GSTO2: variants seen among roughly 807,000 people sequenced by gnomAD.
GSTO2 encodes the protein glutathione S-transferase omega-2.
A neutral mutation model predicts 28.4 loss-of-function variants in GSTO2; 23 were observed. The observed-to-expected ratio is 0.81, with a 90% confidence interval of 0.58 to 1.15. The LOEUF is 1.15. GSTO2 is among the 50% of genes most tolerant of loss of function. The pLI is 0.00. For missense variants in GSTO2, 298 were observed against 297.8 expected, an observed-to-expected ratio of 1.00 and a Z score of 0.00; for synonymous variants, 109 against 111.0, an observed-to-expected ratio of 0.98 and a Z score of 0.11.
At chr10:104,276,392 C>T (rs1024134508) in intron 3 of GSTO2, among the ~76,000 whole-genome samples, 2 of 152,122 alleles carry the variant, frequency 1.3e-5, no homozygotes, top group Admixed American at 6.5e-5. Flanking sequence ...CTTAGGTCAG[C>T]GTTTCTCAAA....
At chr10:104,282,545 C>T (rs1190447336) in intron 5 of GSTO2, among the ~76,000 whole-genome samples, 1 of 145,168 alleles carries the variant, frequency 6.9e-6, no homozygotes, top group African/African-American at 2.7e-5. Flanking sequence ...CACAGTGAAA[C>T]CCTATCTCAA....
intron 1 of GSTO2, among the ~76,000 whole-genome samples, 159 bp from the exon 2 acceptor site, chr10:104,274,526 C>T (rs1338824989): frequency 6.6e-6 from 1 of 152,152 alleles, no homozygotes; most frequent in African/African-American, 2.4e-5. Flanking sequence ...TTACCCTAGT[C>T]AGTTTTGATT....
At chr10:104,277,079 A>G (rs957132273) in intron 3 of GSTO2, among the ~76,000 whole-genome samples, 4 of 152,248 alleles carry the variant, frequency 2.6e-5, no homozygotes, top group African/African-American at 7.2e-5. Context: ...CACTGAGCAC[A>G]GAGAGGTTAG....
rs549164542 is a variant in GSTO2 at position 104,299,658 on chromosome 10, T to C, written c.*374T>C. ...GCCCAGCTAATTTTTAAAAAAATGTTGTTGAGACAGGGTCTCACTATGTTG... is the reference window on the plus strand; with the variant it reads ...GCCCAGCTAATTTTTAAAAAAATGTCGTTGAGACAGGGTCTCACTATGTTG... On this transcript the variant is annotated 3_prime_UTR_variant, in exon 7 of 7. Transcript: ENST00000338595. The C allele has an allele frequency of 1.5e-4, 36 of 237,722 alleles. No homozygotes were observed. The highest frequency in any genetic ancestry group is 2.4e-4 in the Non-Finnish European group (29 of 121,508). 14.7% of individuals were successfully genotyped at this position (237,722 alleles called of 1,614,324 possible).
At position 104,279,507 on chromosome 10, in the gene GSTO2, T is replaced by C. The variant is rs770222487; in HGVS notation, c.468+36T>C. 4 of 1,456,434 alleles carry C rather than the reference T, an allele frequency of 2.7e-6. No homozygotes were observed. The African/African-American group carries it at 4.2e-5, about 15-fold the overall frequency. 90.2% of individuals were successfully genotyped at this position (1,456,434 alleles called of 1,614,324 possible). A position where few individuals can be genotyped will look rare whatever the true frequency, so the allele number is the denominator to read the frequency against. On this transcript the variant is annotated intron_variant, in intron 5 of 6. Transcript: ENST00000338595. The stretch of plus-strand genomic sequence containing the variant: ...GGGTCCCTCTCCTGGTCAGCTACAG[T>C]GGAGGAAGCTAGGCAGGGTCGCTAA...
Position 104,301,477 on chromosome 10 carries a change from C to T in GSTO2, c.*2193C>T, listed in dbSNP as rs949458953. 1.3e-5 allele frequency: 2 copies of T among 152,160 alleles called. No homozygotes were observed. Among genetic ancestry groups the T allele is most frequent in the African/African-American group, 2.4e-5 (1 of 41,436 alleles). The allele number at this position is 152,160 out of a possible 1,614,324, so 9.4% of individuals were successfully genotyped here. ...GCACATCCTTACACTTCCTCCATCT[C>T]GCTTCTTTGTCACTTGTCTGACCCA... On this transcript the variant is annotated 3_prime_UTR_variant, in exon 7 of 7. Transcript: ENST00000338595.
chr10:104,276,961 A>G (rs1181602529), intron 3 of GSTO2, among the ~76,000 whole-genome samples: 2 of 152,242 alleles, frequency 1.3e-5, no homozygotes, highest in African/African-American at 4.8e-5. Context: ...GAATTAAAAA[A>G]GTTATTGCAT....
At chr10:104,272,015 A>C (rs1449555487) in intron 1 of GSTO2, among the ~76,000 whole-genome samples, 2 of 152,258 alleles carry the variant, frequency 1.3e-5, no homozygotes, top group East Asian at 3.8e-4. Flanking sequence ...TGATATGTGA[A>C]AATTATATGA....
Position 104,275,250 on chromosome 10 carries a change from C to T in GSTO2, c.59C>T (p.Pro20Leu). The change falls in exon 3 of 7, where the codon CCG becomes CTG. Residue 20 changes from proline (P) to leucine (L), a missense_variant. Transcript: ENST00000338595. Reference sequence around the variant, plus strand: ...GGAAGCCAGCCCCCAGGGCCAGTCCCGGAGGGGCTGATCCGCATCTACAGC... The same window carrying T: ...GGAAGCCAGCCCCCAGGGCCAGTCCTGGAGGGGCTGATCCGCATCTACAGC... ...GKGSQPPGPV[P>L]EGLIRIYSMR... 2 of 1,613,892 alleles carry T rather than the reference C, an allele frequency of 1.2e-6. No homozygotes were observed. The highest frequency in any genetic ancestry group is 8.5e-7 in the Non-Finnish European group (1 of 1,179,916).
chr10:104,287,749 G>A (rs1219108371), intron 5 of GSTO2, among the ~76,000 whole-genome samples: 1 of 151,128 alleles, frequency 6.6e-6, no homozygotes, highest in Non-Finnish European at 1.5e-5. Flanking sequence ...AATTAGGGTG[G>A]GTAAGAAAAG....
Position 104,297,696 on chromosome 10 carries a change from G to T in GSTO2, c.575+12G>T. ...TATGGGATACTGGAGTAAGACATTT[G>T]ACATTGTGGTGTTAAATTCCCGGAG... On this transcript the variant is annotated intron_variant, in intron 6 of 6. Transcript: ENST00000338595. 1 of 1,568,010 alleles carries T rather than the reference G, an allele frequency of 6.4e-7. No individual in the cohort carries two copies. The highest frequency in any genetic ancestry group is 1.1e-5 in the South Asian group (1 of 89,946).
intron 1 of GSTO2, among the ~76,000 whole-genome samples, chr10:104,272,586 A>ATTTTTTTTTTT (rs1564841555): frequency 1.8e-5 from 1 of 56,900 alleles, no homozygotes. Flanking sequence ...CAGTTATGGG[A>ATTTTTTTTTTT]CTTTTTTTTT....
intron 5 of GSTO2, among the ~76,000 whole-genome samples, chr10:104,290,711 C>A (rs2012722353): frequency 6.6e-6 from 1 of 152,022 alleles, no homozygotes; most frequent in African/African-American, 2.4e-5. Flanking sequence ...AACTCATGAA[C>A]ACAGAGAGTA....
intron 5 of GSTO2, among the ~76,000 whole-genome samples, chr10:104,283,731 A>G (rs2135115261): frequency 6.6e-6 from 1 of 152,350 alleles, no homozygotes. Context: ...AAATGCCAAA[A>G]TATTTATTCC....
In GSTO2 at chr10:104,293,563, A is replaced by ATT. The variant is rs397787244; in HGVS notation, c.469-3994_469-3993dup. 7.5e-3 allele frequency among the ~76,000 whole-genome samples: 609 copies of ATT among 81,616 alleles called. 48 individuals are homozygous for ATT. The highest frequency in any genetic ancestry group is 7.5e-3 in the African/African-American group (122 of 16,242). The allele number at this position is 81,616 out of a possible 152,430, so 53.5% of individuals were successfully genotyped here. On this transcript the variant is annotated intron_variant, in intron 5 of 6. Coordinates refer to ENST00000338595, the MANE Select transcript of GSTO2 (RefSeq NM_183239.2). ...AGGCATGAGCCACTGCGCCTGGCCA[A>ATT]TTTTTTTTTTTTTTTTTTTTTTGCG... is the stretch of plus-strand genomic sequence containing the variant.
Position 104,301,266 on chromosome 10 carries a change from A to G in GSTO2, c.*1982A>G, listed in dbSNP as rs1275785235. The G allele has an allele frequency of 6.6e-6, 1 of 152,242 alleles. No individual in the cohort carries two copies. The highest frequency in any genetic ancestry group is 1.9e-4 in the East Asian group (1 of 5,206). The allele number at this position is 152,242 out of a possible 1,614,324, so 9.4% of individuals were successfully genotyped here. ...GAAATGGCATGCCTCTGGCTCACCA[A>G]AATGAAGGTGTTCTCTTTTGGGGCT... On this transcript the variant is annotated 3_prime_UTR_variant, in exon 7 of 7. Transcript: ENST00000338595.
rs2011562391 is a variant in GSTO2, at chr10:104,275,077, A to G, written c.34+128A>G. 4 of 1,504,346 alleles carry G rather than the reference A, an allele frequency of 2.7e-6. No individual in the cohort carries two copies. The East Asian group carries it at 7.2e-5, about 27-fold the overall frequency. 93.2% of individuals were successfully genotyped at this position (1,504,346 alleles called of 1,614,324 possible). ...GAAGGGACTTGGAGGGCTCTCCTGA[A>G]GAAAAGCCACATGCAGCACTGCCCT... On this transcript the variant is annotated intron_variant, in intron 2 of 6. Transcript: ENST00000338595.
At chr10:104,281,430 C>T (rs925200359) in intron 5 of GSTO2, among the ~76,000 whole-genome samples, 27 of 152,178 alleles carry the variant, frequency 1.8e-4, no homozygotes, top group Admixed American at 1.2e-3. Flanking sequence ...TTGAATTCAA[C>T]GATACAGTAA....
chr10:104,283,425 A>G (rs2012203849), intron 5 of GSTO2, among the ~76,000 whole-genome samples: 2 of 152,220 alleles, frequency 1.3e-5, no homozygotes, highest in African/African-American at 4.8e-5. Flanking sequence ...CAGGAGTTCA[A>G]GACCAGCCTG....
Sources: gnomAD v4.1 joint callset for allele counts (sites outside exome capture counted in the v4.1 genomes callset) on GRCh38, gnomAD v4.1.1 for gene constraint, MANE v1.5 for transcripts, NCBI Gene and HGNC (gene_info 2026-07-23, HGNC 2026-07-21) for gene names.